Variants in RPA2 observed in about 807,000 individuals in gnomAD.
RPA2 encodes replication protein A 32 kDa subunit.
RPA2 carries 22 observed loss-of-function variants against 33.4 expected under a neutral mutation model. The observed-to-expected ratio is 0.66, with a 90% CI of 0.47 to 0.94. The LOEUF is 0.94. Among genes scored for constraint, RPA2 ranks in the 40% least tolerant of loss-of-function variants. The pLI is 0.00. For synonymous variants in RPA2, 109 were observed against 114.9 expected (o/e 0.95, Z 0.33); for missense variants, 279 against 329.9 (o/e 0.85, Z 1.19).
In RPA2 at chr1:27,897,039, T is replaced by C. The variant is rs374603144; in HGVS notation, c.491A>G (p.Asn164Ser). Reference sequence around the variant, plus strand: ...GGCTTTGCTTAGTACCATGTGTGCATTGATCACTTCCAGAATATGTGTGGT... The same window carrying C: ...GGCTTTGCTTAGTACCATGTGTGCACTGATCACTTCCAGAATATGTGTGGT... Reference protein sequence around the residue: ...EFTTHILEVINAHMVLSKANS... With the variant: ...EFTTHILEVISAHMVLSKANS... Residue 164 changes from asparagine (N) to serine (S), a missense_variant, in exon 6 of 9, where the codon AAT becomes AGT. Asn to Ser is a conservative substitution (Grantham distance 46). This residue lies in a region of RPA2 where 274 missense variants were observed against 310.3 expected (regional missense o/e 0.88). Transcript: ENST00000373912. The C allele has an allele frequency of 7.1e-5, 114 of 1,613,534 alleles. No homozygotes were observed. Among genetic ancestry groups the C allele is most frequent in the Middle Eastern group, 1.8e-4 (1 of 5,712 alleles).
chr1:27,896,905 GGCTCGGCCTTCAAAATATCAAGGAA>G, intron 6 of RPA2, 75 bp downstream of exon 6: 1 of 771,176 alleles, frequency 1.3e-6, no homozygotes, highest in Non-Finnish European at 2.2e-6. Context: ...GTCTTTCTCT[GGCTCGGCCTTCAAAATATCAAGGAA>G]ATCAAAGCTG....
At chr1:27,893,593 G>A (rs984555055) in intron 8 of RPA2, among the ~76,000 whole-genome samples, 2 of 152,030 alleles carry the variant, frequency 1.3e-5, no homozygotes, top group African/African-American at 4.8e-5. Context: ...CTACAGGCAT[G>A]AGCTAATGCC....
At chr1:27,893,294 A>T (rs775168573) in intron 8 of RPA2, among the ~76,000 whole-genome samples, 2 of 152,160 alleles carry the variant, frequency 1.3e-5, no homozygotes, top group Non-Finnish European at 2.9e-5. Context: ...CCATTCTGCC[A>T]ACAGGGTTGC....
chr1:27,907,340 A>T, intron 2 of RPA2, 58 bp from the exon 3 acceptor site: 1 of 1,303,848 alleles, frequency 7.7e-7, no homozygotes, highest in Non-Finnish European at 1.1e-6. Flanking sequence ...CACTCATTCA[A>T]CACCTGCCAT....
intron 2 of RPA2, among the ~76,000 whole-genome samples, chr1:27,908,749 C>T (rs1364479600): frequency 6.6e-6 from 1 of 152,172 alleles, no homozygotes; most frequent in Non-Finnish European, 1.5e-5. Flanking sequence ...CTGCCCACCT[C>T]GGCCTCTCAA....
intron 7 of RPA2, 69 bp downstream of exon 7, chr1:27,894,221 A>G: frequency 2.6e-6 from 4 of 1,530,472 alleles, no homozygotes; most frequent in Non-Finnish European, 3.6e-6. Flanking sequence ...GTCGTAGCTC[A>G]TTAAGGAAGT....
chr1:27,901,131 A>G (rs765767212), intron 4 of RPA2, among the ~76,000 whole-genome samples: 2 of 152,220 alleles, frequency 1.3e-5, no homozygotes, highest in African/African-American at 2.4e-5. Context: ...GCTATCAAAC[A>G]GCATGATATA....
intron 4 of RPA2, among the ~76,000 whole-genome samples, chr1:27,898,217 A>AT (rs1394230874): frequency 6.6e-6 from 1 of 152,204 alleles, no homozygotes; most frequent in Non-Finnish European, 1.5e-5. Flanking sequence ...ACTTTTAGGA[A>AT]TTTAAGGAAG....
chr1:27,894,310 G>A lies in RPA2; in HGVS notation c.613C>T (p.Leu205Phe). The A allele has an allele frequency of 6.2e-7, 1 of 1,614,032 alleles. No individual in the cohort carries two copies. Among genetic ancestry groups the A allele is most frequent in the Non-Finnish European group, 8.5e-7 (1 of 1,180,004 alleles). Reference sequence around the variant, plus strand: ...GTTACCTGGTTTTGGGCCACAGTGAGGCCATTTGCTGGCATGAAGCTATTC... The same window carrying A: ...GTTACCTGGTTTTGGGCCACAGTGAAGCCATTTGCTGGCATGAAGCTATTC... ...GGNSFMPANG[L>F]TVAQNQVLNL... The change falls in exon 7 of 9, where the codon CTC becomes TTC. Residue 205 changes from leucine (L) to phenylalanine (F), a missense_variant. Physicochemically the swap from Leu to Phe is conservative, Grantham distance 22 (BLOSUM62 0). Around this residue, in one of 2 missense-constraint regions of RPA2, gnomAD observed 274 missense variants for 310.3 expected, o/e 0.88. Coordinates refer to ENST00000373912, the MANE Select transcript of RPA2 (RefSeq NM_002946.5).
At chr1:27,894,169 TGAGTC>T in intron 7 of RPA2, 63 bp from the exon 8 acceptor site, 3 of 1,530,318 alleles carry the variant, frequency 2.0e-6, no homozygotes, top group Non-Finnish European at 2.7e-6. Flanking sequence ...TTTGCAAACC[TGAGTC>T]CCTTTATAGA....
chr1:27,908,671 A>G (rs773163827), intron 2 of RPA2, among the ~76,000 whole-genome samples: 8 of 143,920 alleles, frequency 5.6e-5, no homozygotes, highest in Non-Finnish European at 1.2e-4. Flanking sequence ...TAATTTTTCT[A>G]TTTTTTTCTA....
At chr1:27,900,890 C>G (rs930047702) in intron 4 of RPA2, among the ~76,000 whole-genome samples, 18 of 152,132 alleles carry the variant, frequency 1.2e-4, no homozygotes, top group African/African-American at 4.3e-4. Flanking sequence ...GTCTCAAACT[C>G]CTGACCTCAA....
chr1:27,894,284 G>A lies in RPA2; in HGVS notation c.633+6C>T. On this transcript the variant is annotated splice_donor_region_variant and intron_variant, in intron 7 of 8. Transcript: ENST00000373912. Reference sequence around the variant, plus strand: ...GTATTTCTGAAGCCACTCTGGTGGAGGTTACCTGGTTTTGGGCCACAGTGA... The same window carrying A: ...GTATTTCTGAAGCCACTCTGGTGGAAGTTACCTGGTTTTGGGCCACAGTGA... 1 of 1,612,290 alleles carries A rather than the reference G, an allele frequency of 6.2e-7. No homozygotes were observed. Among genetic ancestry groups the A allele is most frequent in the Non-Finnish European group, 8.5e-7 (1 of 1,178,950 alleles).
intron 4 of RPA2, among the ~76,000 whole-genome samples, chr1:27,902,817 G>C (rs2089983800): frequency 6.6e-6 from 1 of 152,044 alleles, no homozygotes. Context: ...CATGACTGAA[G>C]CGTAAACTGG....
At position 27,914,479 on chromosome 1, in the gene RPA2, T is replaced by C; in HGVS notation, c.-36A>G. ...ATTCTCCGCAAAGAGGCCGAGAAGG[T>C]GCGGGTCTGGGGGAATAGCGGAAAA... On this transcript the variant is annotated 5_prime_UTR_variant, in exon 1 of 9. Coordinates refer to ENST00000373912, the MANE Select transcript of RPA2 (RefSeq NM_002946.5). 1 of 1,592,020 alleles carries C rather than the reference T, an allele frequency of 6.3e-7. No individual in the cohort carries two copies. The highest frequency in any genetic ancestry group is 1.1e-5 in the South Asian group (1 of 87,878).
chr1:27,905,450 C>T (rs28988927), intron 4 of RPA2, among the ~76,000 whole-genome samples: 4,631 of 152,038 alleles, frequency 0.03, 234 homozygotes, highest in African/African-American at 0.1. Flanking sequence ...CGCAGAACCA[C>T]GCCCGGCTAA....
intron 2 of RPA2, among the ~76,000 whole-genome samples, chr1:27,913,384 T>C (rs1233167995): frequency 6.7e-6 from 1 of 148,962 alleles, no homozygotes; most frequent in African/African-American, 2.5e-5. Context: ...AGTTCGGGAG[T>C]TGGAGACCAG....
intron 1 of RPA2, 82 bp downstream of exon 1, chr1:27,914,352 C>T (rs576032484): frequency 1.2e-5 from 19 of 1,614,034 alleles, no homozygotes; most frequent in Non-Finnish European, 1.6e-5. Flanking sequence ...CGCTACCACA[C>T]GCCTCTCGGA....
chr1:27,899,882 C>G (rs1259435054), intron 4 of RPA2, among the ~76,000 whole-genome samples: 1 of 152,022 alleles, frequency 6.6e-6, no homozygotes, highest in African/African-American at 2.4e-5. Flanking sequence ...AGGTTTCACC[C>G]TGTTAACCAG....
Sources: allele counts gnomAD v4.1 joint callset (sites outside exome capture counted in the v4.1 genomes callset), GRCh38; gene constraint gnomAD v4.1.1; regional missense constraint gnomAD v4.1.1; transcripts MANE v1.5; gene names NCBI Gene and HGNC (gene_info 2026-07-23, HGNC 2026-07-21).